Variants in PALD1 observed in about 807,000 individuals in gnomAD.
The protein encoded by PALD1 is paladin.
In PALD1, 57 loss-of-function variants were observed where a neutral mutation model predicts 96.0. That is an observed-to-expected ratio of 0.59 (90% confidence interval 0.48 to 0.74). PALD1 has a LOEUF of 0.74. Among genes scored for constraint, PALD1 ranks in the 30% least tolerant of loss-of-function variants. The probability of loss-of-function intolerance (pLI) is 0.00; values close to 1 mark genes in which losing one functional copy is unlikely to be tolerated. For missense variants in PALD1, 1,063 were observed against 1,143.7 expected (o/e 0.93, Z 1.02); for synonymous variants, 464 against 473.6 (o/e 0.98, Z 0.26).
At position 70,539,488 on chromosome 10, in the gene PALD1, G is replaced by T; in HGVS notation, c.1726-92G>T. ...GGGTCAGGGATGGGACTGGAAGCCA[G>T]GGCCAGGCCTGGCCATGGCAGGCTG... On this transcript the variant is annotated intron_variant, in intron 14 of 19. Transcript: ENST00000263563. This position sits in a 1 kb window ranked among gnomAD's most constrained non-coding sequence, Gnocchi z 4.5. The T allele has an allele frequency of 2.4e-6, 3 of 1,246,344 alleles. No individual in the cohort carries two copies. Among genetic ancestry groups the T allele is most frequent in the East Asian group, 2.5e-5 (1 of 40,224 alleles). The allele number at this position is 1,246,344 out of a possible 1,614,324, so 77.2% of individuals were successfully genotyped here.
At chr10:70,506,433 G>C (rs909604075) in intron 1 of PALD1, among the ~76,000 whole-genome samples, 1 of 152,182 alleles carries the variant, frequency 6.6e-6, no homozygotes, top group Admixed American at 6.5e-5. Context: ...GGGCCCTGGG[G>C]TCTGTGGAGC....
chr10:70,567,342 GA>G lies in PALD1; in HGVS notation c.*611del, dbSNP rs1391293881. ...CCATCTCCGACCTGGGAGACTTCAG[GA>G]ATGACAACCTACCCAGCCTGGTGGG... On this transcript the variant is annotated 3_prime_UTR_variant, in exon 20 of 20. Coordinates refer to ENST00000263563, the MANE Select transcript of PALD1 (RefSeq NM_014431.3). 1 of 152,888 alleles carries G rather than the reference GA, an allele frequency of 6.5e-6. No individual in the cohort carries two copies. Among genetic ancestry groups the G allele is most frequent in the Non-Finnish European group, 1.5e-5 (1 of 68,238 alleles). 9.5% of individuals were successfully genotyped at this position (152,888 alleles called of 1,614,324 possible).
intron 18 of PALD1, among the ~76,000 whole-genome samples, chr10:70,551,675 G>GGTCCTGTCGTCTCTCCTATTA (rs1847482085): frequency 6.6e-6 from 1 of 152,182 alleles, no homozygotes; most frequent in Non-Finnish European, 1.5e-5. Flanking sequence ...GTAATAAGCA[G>GGTCCTGTCGTCTCTCCTATTA]TGAAGAACAC....
rs183400135 is a variant in PALD1 at position 70,519,641 on chromosome 10, C to T, written c.-29-6282C>T. On this transcript the variant is annotated intron_variant, in intron 1 of 19. Coordinates refer to ENST00000263563, the MANE Select transcript of PALD1 (RefSeq NM_014431.3). ...CCAGGCTAGAGTGCAGTGGCGCGAT[C>T]TCAACTCACCGCAACTTCTGCCTCC... 9.3e-5 allele frequency among the ~76,000 whole-genome samples: 14 copies of T among 149,860 alleles called. No homozygotes were observed. The East Asian group carries it at 2.8e-3, about 30-fold the overall frequency.
At chr10:70,528,120 T>C (rs2132357512) in intron 2 of PALD1, among the ~76,000 whole-genome samples, 1 of 148,222 alleles carries the variant, frequency 6.7e-6, no homozygotes, top group Admixed American at 6.9e-5. Context: ...TCATCATTTT[T>C]TATGGCTACA....
intron 18 of PALD1, among the ~76,000 whole-genome samples, chr10:70,564,136 A>T (rs191787560): frequency 6.6e-6 from 1 of 152,230 alleles, no homozygotes; most frequent in East Asian, 1.9e-4. Context: ...GAGGAGAGGG[A>T]TGCTCAGGGA....
chr10:70,496,319 T>A (rs1264881412), intron 1 of PALD1, among the ~76,000 whole-genome samples: 1 of 150,486 alleles, frequency 6.6e-6, no homozygotes, highest in Non-Finnish European at 1.5e-5. Flanking sequence ...CATAGCTTGA[T>A]GAATTGCTAC....
At chr10:70,518,343 C>T (rs1029813293) in intron 1 of PALD1, among the ~76,000 whole-genome samples, 4 of 152,166 alleles carry the variant, frequency 2.6e-5, no homozygotes, top group African/African-American at 9.7e-5. Flanking sequence ...TTGCATTTCT[C>T]CTGGTTGGGT....
intron 1 of PALD1, among the ~76,000 whole-genome samples, chr10:70,521,046 A>C (rs2132340469): frequency 6.6e-6 from 1 of 152,218 alleles, no homozygotes; most frequent in East Asian, 1.9e-4. Flanking sequence ...TGTGTGCCAG[A>C]CTTTCTCAAA....
the PALD1 span, among the ~76,000 whole-genome samples, chr10:70,465,714 C>T: frequency 1.2e-4 from 19 of 152,236 alleles, no homozygotes; most frequent in South Asian, 3.9e-3. Context: ...AGCCTCCATA[C>T]GCCAAGGCTG....
intron 17 of PALD1, among the ~76,000 whole-genome samples, chr10:70,546,770 C>T (rs1433117366): frequency 6.6e-6 from 1 of 152,106 alleles, no homozygotes; most frequent in East Asian, 1.9e-4. Flanking sequence ...GGCAACATGC[C>T]AAAACCCCGT....
intron 18 of PALD1, among the ~76,000 whole-genome samples, chr10:70,558,334 C>T (rs1477886337): frequency 6.6e-6 from 1 of 152,120 alleles, no homozygotes; most frequent in African/African-American, 2.4e-5. Context: ...CCTCAGCCTC[C>T]CTTTCTGGAA....
At chr10:70,463,114 C>CA in the PALD1 span, among the ~76,000 whole-genome samples, 1 of 152,018 alleles carries the variant, frequency 6.6e-6, no homozygotes, top group South Asian at 2.1e-4. Flanking sequence ...AATCAAAAAA[C>CA]AAAAAATGCG....
intron 1 of PALD1, among the ~76,000 whole-genome samples, chr10:70,508,829 GGGAGCTGCGGAACC>G (rs1564690557): frequency 9.9e-4 from 60 of 60,810 alleles, no homozygotes; most frequent in Non-Finnish European, 1.4e-3. Context: ...GCAGGCCTGT[GGGAGCTGCGGAACC>G]TGTGTGTGTG....
chr10:70,476,921 T>G (rs559771884), upstream of PALD1, among the ~76,000 whole-genome samples: 5 of 152,062 alleles, frequency 3.3e-5, no homozygotes, highest in East Asian at 9.7e-4. Flanking sequence ...TGTGCATATG[T>G]GTATGTGCTA....
chr10:70,534,780 G>A lies in PALD1; in HGVS notation c.1164G>A (p.Leu388=). The change falls in exon 10 of 20, where the codon CTG becomes CTA. Residue 388 remains leucine, a synonymous_variant. Transcript: ENST00000263563. ...CTGCCTGTGCCGAGTTGCATGACCT[G>A]AAAGAAGTGGTCTTGGAAAACCAGA... ...AITACAELHD[L]KEVVLENQKK... 1 of 1,612,370 alleles carries A rather than the reference G, an allele frequency of 6.2e-7. No individual in the cohort carries two copies. Among genetic ancestry groups the A allele is most frequent in the Non-Finnish European group, 8.5e-7 (1 of 1,179,212 alleles).
chr10:70,496,378 C>A (rs1423705213), intron 1 of PALD1, among the ~76,000 whole-genome samples: 1 of 152,150 alleles, frequency 6.6e-6, no homozygotes, highest in Non-Finnish European at 1.5e-5. Flanking sequence ...TAGAACATTT[C>A]CAGTGCCCCA....
intron 18 of PALD1, among the ~76,000 whole-genome samples, chr10:70,556,455 A>G (rs1440400920): frequency 6.6e-6 from 1 of 152,026 alleles, no homozygotes; most frequent in Non-Finnish European, 1.5e-5. Context: ...AGGCAGCACT[A>G]CAGAGATGCG....
intron 19 of PALD1, among the ~76,000 whole-genome samples, 161 bp from the exon 20 acceptor site, chr10:70,566,420 G>T (rs1463262943): frequency 6.6e-6 from 1 of 152,136 alleles, no homozygotes; most frequent in Admixed American, 6.5e-5. Flanking sequence ...TCTTTTCCTT[G>T]CTATGAGGAA....
Sources: gnomAD v4.1 joint callset for allele counts (sites outside exome capture counted in the v4.1 genomes callset) on GRCh38, gnomAD v4.1.1 for gene constraint, Gnocchi (gnomAD v3.1) non-coding constraint, MANE v1.5 for transcripts, NCBI Gene and HGNC (gene_info 2026-07-23, HGNC 2026-07-21) for gene names.